The following NRIP1 variants were observed in gnomAD, a reference collection of about 807,000 sequenced individuals.
The protein encoded by NRIP1 is nuclear receptor-interacting protein 1.
In NRIP1, 28 loss-of-function variants were observed where a neutral mutation model predicts 75.0. That is an observed-to-expected ratio of 0.37 (90% confidence interval 0.28 to 0.51). NRIP1 has a LOEUF of 0.51. Ranked by LOEUF, NRIP1 falls within the 20% of genes least tolerant of loss-of-function variation. The pLI, the probability that NRIP1 is intolerant of heterozygous loss-of-function variation, is 0.92. For synonymous variants in NRIP1, 526 were observed against 487.6 expected (o/e 1.08, Z -1.04); for missense variants, 1,435 against 1,343.7 (o/e 1.07, Z -1.06).
At chr21:15,018,703 C>T (rs191397126) in intron 2 of NRIP1, among the ~76,000 whole-genome samples, 14 of 152,266 alleles carry the variant, frequency 9.2e-5, no homozygotes, top group Non-Finnish European at 1.5e-4. Flanking sequence ...CATATACACA[C>T]ACCATACTGA....
intron 1 of NRIP1, among the ~76,000 whole-genome samples, chr21:15,058,032 A>T (rs1568738453): frequency 6.6e-6 from 1 of 152,204 alleles, no homozygotes; most frequent in Non-Finnish European, 1.5e-5. Flanking sequence ...ACAGGCTTGA[A>T]ATCTTTACTG....
In NRIP1 at chr21:15,064,949, C is replaced by G. The variant is rs1437888443; in HGVS notation, c.-742G>C. 6.6e-6 allele frequency: 1 copy of G among 150,768 alleles called. No individual in the cohort carries two copies. Among genetic ancestry groups the G allele is most frequent in the Non-Finnish European group, 1.5e-5 (1 of 67,558 alleles). The allele number at this position is 150,768 out of a possible 1,614,324, so 9.3% of individuals were successfully genotyped here. On this transcript the variant is annotated 5_prime_UTR_variant, in exon 1 of 4. Coordinates refer to ENST00000318948, the MANE Select transcript of NRIP1 (RefSeq NM_003489.4). The stretch of plus-strand genomic sequence containing the variant: ...GGGCCGGGTCGTCCCTGCGCCTCGC[C>G]GCCGCCTCCTCCGCCGCCGCCTCCC...
chr21:15,045,141 C>G (rs1454895157), intron 1 of NRIP1, among the ~76,000 whole-genome samples: 5 of 152,104 alleles, frequency 3.3e-5, no homozygotes, highest in African/African-American at 9.7e-5. Context: ...TCTCCTAATC[C>G]CCCCGGCCCA....
intron 2 of NRIP1, among the ~76,000 whole-genome samples, chr21:15,014,909 C>CA (rs71183454): frequency 0.13 from 19,539 of 150,800 alleles, 1,416 homozygotes; most frequent in East Asian, 0.32. Flanking sequence ...ATCTTTGCAG[C>CA]AAAAAAATTG....
chr21:15,013,005 G>T (rs1332073959), intron 3 of NRIP1, among the ~76,000 whole-genome samples: 1 of 152,076 alleles, frequency 6.6e-6, no homozygotes, highest in African/African-American at 2.4e-5. Context: ...AATTTTAATA[G>T]AATTAGAAGT....
Position 15,001,374 on chromosome 21 carries a change from A to T in NRIP1, c.-335+12970T>A, listed in dbSNP as rs74723354. Among the ~76,000 whole-genome samples the T allele has an allele frequency of 0.017, 2,578 of 152,300 alleles. 231 individuals carry two copies. The East Asian group carries it at 0.27, about 16-fold the overall frequency. On this transcript the variant is annotated intron_variant, in intron 3 of 3. Coordinates refer to ENST00000318948, the MANE Select transcript of NRIP1 (RefSeq NM_003489.4). The stretch of plus-strand genomic sequence containing the variant: ...TTCTCCCCTTGCAGTACAGATTTAT[A>T]CACAACCGAAAAAGTGCAGCTATGA...
chr21:15,021,911 T>C (rs1262904944), intron 2 of NRIP1, among the ~76,000 whole-genome samples: 1 of 152,106 alleles, frequency 6.6e-6, no homozygotes, highest in Non-Finnish European at 1.5e-5. Context: ...GGCAAGGTTG[T>C]GGAGAAAAAA....
At chr21:14,991,957 T>C (rs898474226) in intron 3 of NRIP1, among the ~76,000 whole-genome samples, 2 of 152,322 alleles carry the variant, frequency 1.3e-5, no homozygotes, top group East Asian at 1.9e-4. Context: ...CTTTCATCTT[T>C]TTTTTCCTTT....
intron 1 of NRIP1, among the ~76,000 whole-genome samples, chr21:15,063,722 G>C (rs973542256): frequency 4.6e-5 from 7 of 152,098 alleles, no homozygotes; most frequent in Non-Finnish European, 1.5e-5. Flanking sequence ...TCCACCAACT[G>C]GGTTTTTAAA....
intron 3 of NRIP1, among the ~76,000 whole-genome samples, chr21:14,997,988 C>A (rs1292938758): frequency 6.6e-6 from 1 of 152,108 alleles, no homozygotes; most frequent in Non-Finnish European, 1.5e-5. Context: ...TACCACCATC[C>A]CTATGACTTG....
At chr21:14,976,195 A>G (rs2087062214) in intron 3 of NRIP1, among the ~76,000 whole-genome samples, 1 of 152,168 alleles carries the variant, frequency 6.6e-6, no homozygotes, top group Admixed American at 6.5e-5. Context: ...AAGCATAAAA[A>G]TCCTTTAAAG....
chr21:14,968,172 A>G lies in NRIP1; in HGVS notation c.21T>C (p.Leu7=). ...TAGAATCCTGGTGCACATCAGAGCCAAGCTCTTCTCCATGAGTCATGTTCA... is the reference window on the plus strand; with the variant it reads ...TAGAATCCTGGTGCACATCAGAGCCGAGCTCTTCTCCATGAGTCATGTTCA... MTHGEE[L]GSDVHQDSIV... is the part of the protein sequence containing the mutation. Residue 7 remains leucine (L), a synonymous_variant, in exon 4 of 4, where the codon CTT becomes CTC. Coordinates refer to ENST00000318948, the MANE Select transcript of NRIP1 (RefSeq NM_003489.4). The G allele has an allele frequency of 6.2e-7, 1 of 1,611,510 alleles. No individual in the cohort carries two copies. Among genetic ancestry groups the G allele is most frequent in the Non-Finnish European group, 8.5e-7 (1 of 1,178,738 alleles).
At chr21:15,029,407 C>A (rs1446109256) in intron 2 of NRIP1, among the ~76,000 whole-genome samples, 2 of 152,132 alleles carry the variant, frequency 1.3e-5, no homozygotes, top group Admixed American at 1.3e-4. Flanking sequence ...CCGAGTAAGG[C>A]CTTCCCTGGG....
intron 3 of NRIP1, among the ~76,000 whole-genome samples, chr21:14,969,446 C>T (rs2086846415): frequency 6.6e-6 from 1 of 152,128 alleles, no homozygotes; most frequent in Non-Finnish European, 1.5e-5. Flanking sequence ...TATTTATTAT[C>T]TAAGAAGAGA....
At chr21:15,029,198 A>C (rs2088588231) in intron 2 of NRIP1, among the ~76,000 whole-genome samples, 1 of 152,166 alleles carries the variant, frequency 6.6e-6, no homozygotes, top group African/African-American at 2.4e-5. Context: ...ACAACTGCTG[A>C]AGCGATTCTG....
chr21:15,038,088 A>G (rs2088874587), intron 2 of NRIP1, among the ~76,000 whole-genome samples: 1 of 152,142 alleles, frequency 6.6e-6, no homozygotes, highest in South Asian at 2.1e-4. Flanking sequence ...CAAATGTTAA[A>G]TATGTAAAGG....
At chr21:15,048,889 C>T (rs2089144184) in intron 1 of NRIP1, among the ~76,000 whole-genome samples, 1 of 152,136 alleles carries the variant, frequency 6.6e-6, no homozygotes, top group South Asian at 2.1e-4. Flanking sequence ...CTTTTCCATC[C>T]TTCATTAGGG....
At position 15,060,963 on chromosome 21, in the gene NRIP1, T is replaced by C. The variant is rs560123959; in HGVS notation, c.-538+3782A>G. 2.0e-5 allele frequency among the ~76,000 whole-genome samples: 3 copies of C among 152,284 alleles called. No individual in the cohort carries two copies. The South Asian group carries it at 6.2e-4, about 32-fold the overall frequency. On this transcript the variant is annotated intron_variant, in intron 1 of 3. Coordinates refer to ENST00000318948, the MANE Select transcript of NRIP1 (RefSeq NM_003489.4). ...TGGTTTTTACCTTCTCAAGTCTTAG[T>C]GGCCATAGTGGTGTTACATTTCTCT...
intron 1 of NRIP1, among the ~76,000 whole-genome samples, chr21:15,059,932 A>G (rs1012367948): frequency 5.3e-5 from 8 of 152,196 alleles, no homozygotes; most frequent in African/African-American, 1.9e-4. Flanking sequence ...ATATAATGAT[A>G]AAATGTATCA....
Sources: gnomAD v4.1 joint callset for allele counts (sites outside exome capture counted in the v4.1 genomes callset) on GRCh38, gnomAD v4.1.1 for gene constraint, MANE v1.5 for transcripts, NCBI Gene and HGNC (gene_info 2026-07-23, HGNC 2026-07-21) for gene names.